PCDHA8: variants seen among roughly 807,000 people sequenced by gnomAD.
PCDHA8 encodes protocadherin alpha 8.
Under a neutral mutation model 61.8 loss-of-function variants are expected in PCDHA8, and 53 were observed. The ratio of observed to expected loss-of-function variants is 0.86; its 90% CI spans 0.69 to 1.08. PCDHA8 has a LOEUF of 1.08. PCDHA8 is among the 50% of genes least tolerant of loss of function. PCDHA8 has a pLI of 0.00. For missense variants in PCDHA8, 1,293 were observed against 1,245.0 expected (o/e 1.04, Z -0.58); for synonymous variants, 618 against 556.6 (o/e 1.11, Z -1.55).
intron 1 of PCDHA8, chr5:140,859,420 C>A: frequency 4.3e-6 from 1 of 233,152 alleles, no homozygotes; most frequent in Non-Finnish European, 8.1e-6. Context: ...ATGATATAGA[C>A]TCAGAAATGA....
chr5:140,857,920 G>T (rs2045011675), intron 1 of PCDHA8: 2 of 1,597,702 alleles, frequency 1.3e-6, no homozygotes, highest in East Asian at 2.2e-5. Context: ...TTCGCGTGGG[G>T]CTGTACACGG....
At chr5:140,857,796 CG>C in intron 1 of PCDHA8, 1 of 1,597,494 alleles carries the variant, frequency 6.3e-7, no homozygotes, top group Non-Finnish European at 8.6e-7. Flanking sequence ...GTGCTGCGGT[CG>C]GTGGTTGCGG....
chr5:140,928,478 A>G (rs1554205922), intron 1 of PCDHA8: 1 of 1,614,132 alleles, frequency 6.2e-7, no homozygotes, highest in East Asian at 2.2e-5. Context: ...GAAGGCCGGG[A>G]TGGTGGCATT....
At chr5:140,853,121 C>T in intron 1 of PCDHA8, 1 of 518,370 alleles carries the variant, frequency 1.9e-6, no homozygotes, top group Middle Eastern at 9.7e-4. Flanking sequence ...CCTCATGATC[C>T]TCCCGCCTCA....
chr5:140,973,666 A>G (rs531003588), intron 1 of PCDHA8, among the ~76,000 whole-genome samples: 8 of 152,322 alleles, frequency 5.3e-5, no homozygotes, highest in African/African-American at 1.9e-4. Flanking sequence ...TATTTATTGT[A>G]GCTTGAATGT....
intron 1 of PCDHA8, chr5:140,966,517 A>T (rs1285058359): frequency 4.6e-6 from 2 of 435,352 alleles, no homozygotes; most frequent in Non-Finnish European, 8.0e-6. Context: ...CAGCAGCAGG[A>T]AGCCGAGCCG....
At chr5:140,858,165 C>G in intron 1 of PCDHA8, 1 of 1,597,786 alleles carries the variant, frequency 6.3e-7, no homozygotes, top group Non-Finnish European at 8.6e-7. Flanking sequence ...TGCGCGGTGT[C>G]CAGCTTGCTG....
intron 1 of PCDHA8, among the ~76,000 whole-genome samples, chr5:140,931,204 A>G (rs782790968): frequency 7.2e-5 from 11 of 152,176 alleles, no homozygotes; most frequent in Non-Finnish European, 1.5e-4. Context: ...CAATGCTAGT[A>G]TTTCAGGTAT....
intron 1 of PCDHA8, chr5:140,966,401 C>G (rs1218132824): frequency 2.5e-6 from 1 of 404,878 alleles, no homozygotes; most frequent in African/African-American, 2.1e-5. Flanking sequence ...CACTTCGGCG[C>G]GGAATCAGAG....
chr5:141,005,417 T>G (rs1323051159), intron 3 of PCDHA8, among the ~76,000 whole-genome samples: 2 of 152,062 alleles, frequency 1.3e-5, no homozygotes, highest in African/African-American at 4.8e-5. Context: ...TGAGGAGTCA[T>G]GCTAAGAATG....
At chr5:140,990,862 AT>A (rs2097420167) in intron 3 of PCDHA8, among the ~76,000 whole-genome samples, 1 of 152,198 alleles carries the variant, frequency 6.6e-6, no homozygotes, top group Non-Finnish European at 1.5e-5. Flanking sequence ...AGGACATTGT[AT>A]TTTAAGTGTA....
chr5:140,955,216 C>T (rs2095153192), intron 1 of PCDHA8, among the ~76,000 whole-genome samples: 2 of 152,122 alleles, frequency 1.3e-5, no homozygotes, highest in East Asian at 3.9e-4. Flanking sequence ...AGCATGATGC[C>T]TCCAGCTTTG....
intron 1 of PCDHA8, among the ~76,000 whole-genome samples, chr5:140,898,159 G>A (rs377677002): frequency 1.3e-5 from 2 of 151,916 alleles, no homozygotes; most frequent in South Asian, 2.1e-4. Context: ...CGCTGATGGT[G>A]GTTTCTTTTG....
intron 1 of PCDHA8, 166 bp from the exon 2 acceptor site, chr5:140,978,783 A>G: frequency 1.0e-6 from 1 of 972,136 alleles, no homozygotes. Context: ...TTTCTTCTAA[A>G]GTGCTATATA....
chr5:140,842,962 C>T lies in PCDHA8; in HGVS notation c.1641C>T (p.Ser547=), dbSNP rs1554139576. 1.9e-6 allele frequency: 3 copies of T among 1,594,834 alleles called. 1 individual carries two copies. The African/African-American group carries it at 4.0e-5, about 21-fold the overall frequency. Residue 547 remains serine (S), a synonymous_variant, in exon 1 of 4, where the codon AGC becomes AGT. Transcript: ENST00000531613. ...ACGCGGGCGTGCCGCCTCTGGGCAG[C>T]AACGTGACGCTGCAGGTGTTCGTGC... ...ARDAGVPPLG[S]NVTLQVFVLD... is the part of the protein sequence containing the mutation.
chr5:140,904,522 C>T (rs1241157884), intron 1 of PCDHA8, among the ~76,000 whole-genome samples: 1 of 151,956 alleles, frequency 6.6e-6, no homozygotes, highest in Admixed American at 6.6e-5. Flanking sequence ...CTGCTATAAA[C>T]TTGTGTGTTC....
intron 3 of PCDHA8, among the ~76,000 whole-genome samples, chr5:140,999,135 C>T (rs2097848218): frequency 6.6e-6 from 1 of 152,180 alleles, no homozygotes; most frequent in Non-Finnish European, 1.5e-5. Context: ...GAAAATGTCA[C>T]AGCCGGAAGT....
chr5:141,002,273 AC>A (rs748746747), intron 3 of PCDHA8, among the ~76,000 whole-genome samples: 69 of 152,308 alleles, frequency 4.5e-4, no homozygotes, highest in Non-Finnish European at 9.1e-4. Flanking sequence ...AGAGCTGGTA[AC>A]AAAGGGATGA....
chr5:141,000,395 C>CTCTCTA (rs1213762225), intron 3 of PCDHA8, among the ~76,000 whole-genome samples: 5 of 53,980 alleles, frequency 9.3e-5, no homozygotes, highest in East Asian at 6.1e-4. Flanking sequence ...CTCTCTCTCT[C>CTCTCTA]TATATATATA....
Sources: gnomAD v4.1 joint callset for allele counts (sites outside exome capture counted in the v4.1 genomes callset) on GRCh38, gnomAD v4.1.1 for gene constraint, MANE v1.5 for transcripts, NCBI Gene and HGNC (gene_info 2026-07-23, HGNC 2026-07-21) for gene names.